The following IFT172 variants were observed in gnomAD, a reference collection of about 807,000 sequenced individuals.
IFT172 encodes the protein intraflagellar transport protein 172 homolog.
IFT172 carries 164 observed loss-of-function variants against 248.9 expected under a neutral mutation model. The ratio of observed to expected loss-of-function variants is 0.66; its 90% confidence interval spans 0.58 to 0.75. The LOEUF is 0.75. IFT172 is among the 30% of genes least tolerant of loss of function. IFT172 has a pLI of 0.00. For synonymous variants in IFT172, 729 were observed against 791.6 expected, an observed-to-expected ratio of 0.92 and a Z score of 1.33; for missense variants, 1,950 against 2,192.4, an observed-to-expected ratio of 0.89 and a Z score of 2.21.
chr2:27,477,857 T>C, intron 11 of IFT172, 138 bp downstream of exon 11: 1 of 1,079,230 alleles, frequency 9.3e-7, no homozygotes, highest in Non-Finnish European at 1.4e-6. Context: ...CTCCTGGGTC[T>C]CCTTCCCTGA....
intron 16 of IFT172, among the ~76,000 whole-genome samples, chr2:27,466,715 A>G (rs1314949012): frequency 1.3e-5 from 2 of 152,216 alleles, no homozygotes; most frequent in African/African-American, 2.4e-5. Context: ...TCAGATATTA[A>G]AAATAACAGT....
In IFT172 at chr2:27,445,046, C is replaced by T. The variant is rs542662514; in HGVS notation, c.5128G>A (p.Asp1710Asn). ...FKRPGKAANKDNWNKFLMAIK... is the reference protein window; with the variant it reads ...FKRPGKAANKNNWNKFLMAIK... Reference sequence around the variant, plus strand: ...GCCATAAGGAATTTATTCCAGTTGTCCTTGTTAGCAGCCTTCCCTGGCCGC... The same window carrying T: ...GCCATAAGGAATTTATTCCAGTTGTTCTTGTTAGCAGCCTTCCCTGGCCGC... Residue 1710 changes from aspartate to asparagine, a missense_variant, in exon 47 of 48, where the codon GAC (aspartate) becomes AAC (asparagine). Transcript: ENST00000260570. This position sits in a 1 kb window ranked among gnomAD's most constrained non-coding sequence, Gnocchi z 4.4. 35 of 1,613,914 alleles carry T rather than the reference C, an allele frequency of 2.2e-5. No individual in the cohort carries two copies. In the Admixed American group the frequency reaches 2.5e-4, roughly 12 times the overall value.
intron 10 of IFT172, among the ~76,000 whole-genome samples, chr2:27,478,438 C>A (rs1239102507): frequency 6.6e-6 from 1 of 152,176 alleles, no homozygotes; most frequent in African/African-American, 2.4e-5. Flanking sequence ...GGTCTTTGTA[C>A]AAACCTTATA....
At chr2:27,451,692 G>A (rs1031701460) in intron 35 of IFT172, among the ~76,000 whole-genome samples, 3 of 152,190 alleles carry the variant, frequency 2.0e-5, no homozygotes, top group Admixed American at 6.5e-5. Flanking sequence ...CCTAAACCCA[G>A]GAGGCGGAGC....
intron 6 of IFT172, 82 bp from the exon 7 acceptor site, chr2:27,483,458 C>A: frequency 1.4e-6 from 2 of 1,388,874 alleles, no homozygotes; most frequent in South Asian, 2.4e-5. Context: ...CAAACACAAC[C>A]TTGTCTGTGC....
At position 27,483,566 on chromosome 2, in the gene IFT172, T is replaced by G. The variant is rs2148556222; in HGVS notation, c.482+14A>C. 6.2e-7 allele frequency: 1 copy of G among 1,612,162 alleles called. No individual in the cohort carries two copies. Among genetic ancestry groups the G allele is most frequent in the East Asian group, 2.2e-5 (1 of 44,870 alleles). ...CACTTCCAGACTCTAGTGATACTAC[T>G]CCTCTTTACTCACTTTGTTGTCAGG... On this transcript the variant is annotated intron_variant, in intron 6 of 47. Transcript: ENST00000260570.
Position 27,445,137 on chromosome 2 carries a change from TTTGAGAGAGA to T in IFT172, c.5069-42_5069-33del. The T allele has an allele frequency of 1.9e-6, 3 of 1,612,244 alleles. No homozygotes were observed. The highest frequency in any genetic ancestry group is 2.5e-6 in the Non-Finnish European group (3 of 1,179,150). The stretch of plus-strand genomic sequence containing the variant: ...AGGAAGAAAAAATGATGAACTGGGG[TTTGAGAGAGA>T]TTGAGGAGGGAAAAATGAGGAGCAG... On this transcript the variant is annotated intron_variant, in intron 46 of 47. Coordinates refer to ENST00000260570, the MANE Select transcript of IFT172 (RefSeq NM_015662.3). This position sits in a 1 kb window ranked among gnomAD's most constrained non-coding sequence, Gnocchi z 4.4.
At chr2:27,479,450 G>A in intron 10 of IFT172, 59 bp downstream of exon 10, 1 of 937,164 alleles carries the variant, frequency 1.1e-6, no homozygotes, top group Non-Finnish European at 1.8e-6. Flanking sequence ...GCAGGGAAAT[G>A]TTATAAGGAG....
At chr2:27,456,907 C>CG (rs1359209308) in intron 29 of IFT172, among the ~76,000 whole-genome samples, 2 of 151,788 alleles carry the variant, frequency 1.3e-5, no homozygotes, top group African/African-American at 4.8e-5. Context: ...TAGCTGGGCA[C>CG]GGTGGTGAGT....
intron 13 of IFT172, 39 bp downstream of exon 13, chr2:27,477,178 T>C (rs776262936): frequency 6.4e-7 from 1 of 1,550,922 alleles, no homozygotes; most frequent in South Asian, 1.1e-5. Context: ...AAAGGAATTA[T>C]TCTGGGTTTC....
intron 2 of IFT172, 21 bp from the exon 3 acceptor site, chr2:27,485,151 AAAG>A: frequency 9.9e-6 from 15 of 1,517,232 alleles, no homozygotes; most frequent in African/African-American, 1.4e-5. Context: ...AAAAAAAAAA[AAAG>A]AAAGAAAAAG....
intron 3 of IFT172, 77 bp from the exon 4 acceptor site, chr2:27,484,343 G>A: frequency 1.3e-6 from 2 of 1,517,954 alleles, no homozygotes; most frequent in South Asian, 1.1e-5. Flanking sequence ...TGTAATCCCA[G>A]CACTTTGGGA....
Position 27,450,045 on chromosome 2 carries a change from C to G in IFT172, c.4003G>C (p.Val1335Leu). The change falls in exon 36 of 48, where the codon GTT (valine) becomes CTT (leucine). Residue 1335 changes from valine (V) to leucine (L), a missense_variant. Around this residue, in one of 3 missense-constraint regions of IFT172, gnomAD observed 620 missense variants for 699.0 expected, o/e 0.89. Transcript: ENST00000260570. ...FLPPQRNMEV[V>L]LAVGPQLIGI... is the part of the protein sequence containing the mutation. Reference sequence around the variant, plus strand: ...ATCAGCTGGGGTCCTACAGCCAGAACGACTTCCATATTACGTTGGGGAGGC... The same window carrying G: ...ATCAGCTGGGGTCCTACAGCCAGAAGGACTTCCATATTACGTTGGGGAGGC... 6.2e-7 allele frequency: 1 copy of G among 1,614,172 alleles called. No individual in the cohort carries two copies. The highest frequency in any genetic ancestry group is 1.1e-5 in the South Asian group (1 of 91,080).
At chr2:27,468,331 C>T (rs1201584555) in intron 16 of IFT172, among the ~76,000 whole-genome samples, 2 of 151,282 alleles carry the variant, frequency 1.3e-5, no homozygotes, top group Non-Finnish European at 2.9e-5. Flanking sequence ...CTCCCAGGTT[C>T]AAGCAATTCT....
At chr2:27,472,607 G>A (rs1667654344) in intron 14 of IFT172, among the ~76,000 whole-genome samples, 1 of 152,174 alleles carries the variant, frequency 6.6e-6, no homozygotes, top group Admixed American at 6.5e-5. Flanking sequence ...CCTACTCACA[G>A]AATCCCCTCG....
chr2:27,444,590 G>GACCCTGAAGCCTGC, intron 47 of IFT172, 69 bp from the exon 48 acceptor site: 1 of 1,223,344 alleles, frequency 8.2e-7, no homozygotes, highest in Non-Finnish European at 1.2e-6. Flanking sequence ...CTCCATCGCA[G>GACCCTGAAGCCTGC]GCTTCAGGGT....
chr2:27,465,346 G>T, intron 18 of IFT172, 65 bp downstream of exon 18: 1 of 1,374,860 alleles, frequency 7.3e-7, no homozygotes, highest in Non-Finnish European at 1.0e-6. Flanking sequence ...TAGCCCACAG[G>T]GAAAATACTC....
rs188779949 is a variant in IFT172, at chr2:27,461,776, C to T, written c.2176G>A (p.Ala726Thr). ...ACAGGTACCTTGGCTTCAGCCACAG[C>T]GATACACTCATCCCAACGGTGTAGC... is the stretch of plus-strand genomic sequence containing the variant. Reference protein sequence around the residue: ...QELHRWDECIAVAEAKGHPAL... With the variant: ...QELHRWDECITVAEAKGHPAL... Residue 726 changes from alanine (A) to threonine (T), a missense_variant, in exon 21 of 48, where the codon GCT becomes ACT. Physicochemically the swap from Ala to Thr is moderately conservative, Grantham distance 58. Around this residue, in one of 3 missense-constraint regions of IFT172, gnomAD observed 1,166 missense variants for 1,254.1 expected, o/e 0.93. Coordinates refer to ENST00000260570, the MANE Select transcript of IFT172 (RefSeq NM_015662.3). The T allele has an allele frequency of 5.4e-5, 87 of 1,614,142 alleles. No individual in the cohort carries two copies. Among genetic ancestry groups the T allele is most frequent in the Middle Eastern group, 4.9e-4 (3 of 6,062 alleles).
rs1308195571 is a variant in IFT172, at chr2:27,472,370, A to C, written c.1412-8T>G. The C allele has an allele frequency of 6.2e-7, 1 of 1,608,208 alleles. No individual in the cohort carries two copies. Among genetic ancestry groups the C allele is most frequent in the Non-Finnish European group, 8.5e-7 (1 of 1,174,910 alleles). ...AGCCACCAATCAGATCCACTATAGA[A>C]TAAAGGAGACAGGGTTAAGAAGAGA... On this transcript the variant is annotated splice_region_variant and splice_polypyrimidine_tract_variant and intron_variant, in intron 14 of 47. Coordinates refer to ENST00000260570, the MANE Select transcript of IFT172 (RefSeq NM_015662.3).
Sources: allele counts gnomAD v4.1 joint callset (sites outside exome capture counted in the v4.1 genomes callset), GRCh38; gene constraint gnomAD v4.1.1; regional missense constraint gnomAD v4.1.1; non-coding constraint Gnocchi (gnomAD v3.1); transcripts MANE v1.5; gene names NCBI Gene and HGNC (gene_info 2026-07-23, HGNC 2026-07-21).